Variants in MTOR observed in about 807,000 individuals in gnomAD.
MTOR encodes the protein serine/threonine-protein kinase mTOR.
Under a neutral mutation model 319.8 loss-of-function variants are expected in MTOR, and 70 were observed. The observed-to-expected ratio is 0.22, with a 90% confidence interval of 0.18 to 0.27. MTOR has a LOEUF of 0.27. MTOR is among the 10% of genes least tolerant of loss of function. The pLI, the probability that MTOR is intolerant of heterozygous loss-of-function variation, is 1.00. For missense variants in MTOR, 1,890 were observed against 3,274.4 expected, an observed-to-expected ratio of 0.58 and a Z score of 10.32; for synonymous variants, 1,183 against 1,211.4, an observed-to-expected ratio of 0.98 and a Z score of 0.49.
rs559335229 is a variant in MTOR at position 11,150,280 on chromosome 1, A to G, written c.4470-54T>C. On this transcript the variant is annotated intron_variant, in intron 30 of 57. Transcript: ENST00000361445. ...TAATCCAAATCTCCTTAAACTACCA[A>G]TCTTCCTCTCCTGCCCCTTGGGTTA... 4.1e-4 allele frequency: 613 copies of G among 1,479,748 alleles called. 10 individuals carry two copies. In the South Asian group the frequency reaches 6.0e-3, roughly 15 times the overall value. The allele number at this position is 1,479,748 out of a possible 1,614,324, so 91.7% of individuals were successfully genotyped here.
chr1:11,207,121 C>T (rs188893872), intron 25 of MTOR, among the ~76,000 whole-genome samples: 1 of 152,134 alleles, frequency 6.6e-6, no homozygotes, highest in African/African-American at 2.4e-5. Context: ...GTTGGTGAGA[C>T]AGGGTCTTGC....
At chr1:11,222,661 C>T (rs72856953) in intron 19 of MTOR, among the ~76,000 whole-genome samples, 8,995 of 152,046 alleles carry the variant, frequency 0.059, 375 homozygotes, top group South Asian at 0.12. Context: ...AACTTTCTAG[C>T]TAATAAATCC....
chr1:11,248,185 A>G (rs949270059), intron 6 of MTOR, 91 bp from the exon 7 acceptor site: 23 of 1,362,386 alleles, frequency 1.7e-5, no homozygotes, highest in Non-Finnish European at 2.2e-5. Context: ...ACATTTGCCT[A>G]ATCCCGAAAC....
chr1:11,256,028 A>T lies in MTOR; in HGVS notation c.669T>A (p.Arg223=). Residue 223 remains arginine (R), a synonymous_variant, in exon 5 of 58, where the codon CGT becomes CGA. Transcript: ENST00000361445. ...LRACLILTTQ[R]EPKEMQKPQW... is the part of the protein sequence containing the mutation. ...GAGGCTTCTGCATCTCCTTCGGCTC[A>T]CGCTGGGTTGTGAGAATCAGACAGG... 1.2e-6 allele frequency: 2 copies of T among 1,614,088 alleles called. No individual in the cohort carries two copies. Among genetic ancestry groups the T allele is most frequent in the Non-Finnish European group, 1.7e-6 (2 of 1,180,024 alleles).
chr1:11,243,658 C>T (rs181771852), intron 8 of MTOR, among the ~76,000 whole-genome samples: 202 of 149,666 alleles, frequency 1.3e-3, no homozygotes, highest in African/African-American at 4.9e-3. Flanking sequence ...CAGCACTGCA[C>T]TCAAGCCTGA....
At chr1:11,236,499 G>C (rs1048398722) in intron 13 of MTOR, among the ~76,000 whole-genome samples, 1 of 146,038 alleles carries the variant, frequency 6.8e-6, no homozygotes, top group Admixed American at 6.9e-5. Flanking sequence ...AGGCTCAACA[G>C]TGATTTCACG....
At chr1:11,232,277 C>T (rs907473703) in intron 16 of MTOR, among the ~76,000 whole-genome samples, 159 bp downstream of exon 16, 1 of 152,202 alleles carries the variant, frequency 6.6e-6, no homozygotes, top group African/African-American at 2.4e-5. Context: ...GGTTTCAAAT[C>T]TTTCTAACTT....
At chr1:11,220,419 T>C (rs914958369) in intron 19 of MTOR, among the ~76,000 whole-genome samples, 4 of 152,140 alleles carry the variant, frequency 2.6e-5, no homozygotes, top group African/African-American at 9.7e-5. Flanking sequence ...AATGAAGATT[T>C]AAAAAGAGGG....
Position 11,139,937 on chromosome 1 carries a change from G to A in MTOR, c.4873-279C>T, listed in dbSNP as rs368662541. On this transcript the variant is annotated intron_variant, in intron 34 of 57. Transcript: ENST00000361445. ...GAATTCCTGACCTCGTGATCCAACC[G>A]TCTTGGCCTCCCAAAGTGCTGGGAT... 4.8e-4 allele frequency among the ~76,000 whole-genome samples: 73 copies of A among 152,216 alleles called. No homozygotes were observed. In the Middle Eastern group the frequency reaches 0.01, roughly 21 times the overall value.
intron 29 of MTOR, among the ~76,000 whole-genome samples, chr1:11,162,853 A>G (rs1261014172): frequency 6.6e-6 from 1 of 152,230 alleles, no homozygotes; most frequent in African/African-American, 2.4e-5. Context: ...AAGACCATCA[A>G]TGCTAGGAAG....
intron 28 of MTOR, among the ~76,000 whole-genome samples, chr1:11,182,927 T>G (rs538885177): frequency 4.6e-5 from 7 of 152,220 alleles, no homozygotes; most frequent in African/African-American, 1.7e-4. Context: ...ACGCGGACAC[T>G]CTTGTCCATG....
chr1:11,126,746 C>A lies in MTOR; in HGVS notation c.6402G>T (p.Arg2134=), dbSNP rs2100397396. 1.2e-6 allele frequency: 2 copies of A among 1,614,014 alleles called. No individual in the cohort carries two copies. Among genetic ancestry groups the A allele is most frequent in the Non-Finnish European group, 1.7e-6 (2 of 1,180,010 alleles). The change falls in exon 46 of 58, where the codon CGG becomes CGT. Residue 2134 remains arginine (R), a synonymous_variant. Transcript: ENST00000361445. The part of the protein sequence containing the change: ...QYVSPKLLMC[R]DLELAVPGTY... ...TTCCTGGCACAGCCAATTCAAGGTC[C>A]CGGCACATCAGAAGTTTTGGGGAAA...
rs780841839 is a variant in MTOR at position 11,228,878 on chromosome 1, G to C, written c.2820C>G (p.Asn940Lys). 1 of 1,614,170 alleles carries C rather than the reference G, an allele frequency of 6.2e-7. No individual in the cohort carries two copies. Among genetic ancestry groups the C allele is most frequent in the East Asian group, 2.2e-5 (1 of 44,884 alleles). Residue 940 changes from asparagine (N) to lysine (K), a missense_variant, in exon 19 of 58, where the codon AAC (asparagine) becomes AAG (lysine). This residue lies in a region of MTOR where 377 missense variants were observed against 653.9 expected (regional missense o/e 0.58). Transcript: ENST00000361445. ...CTGGGTAGAACTCATCCAGAGGCAA[G>C]TTTCCCATGTTGACCAGCATTTCAC... ...STSEMLVNMG[N>K]LPLDEFYPAV... is the part of the protein sequence containing the mutation.
At chr1:11,238,327 G>A in intron 12 of MTOR, 75 bp downstream of exon 12, 3 of 1,447,972 alleles carry the variant, frequency 2.1e-6, no homozygotes, top group Non-Finnish European at 2.9e-6. Flanking sequence ...GAGAGGCCAT[G>A]TAATGAAACT....
rs1181493300 is a variant in MTOR, at chr1:11,127,497, G to A, written c.6216+127C>T. 7 of 1,156,992 alleles carry A rather than the reference G, an allele frequency of 6.1e-6. No homozygotes were observed. Among genetic ancestry groups the A allele is most frequent in the Non-Finnish European group, 7.2e-6 (6 of 834,064 alleles). The allele number at this position is 1,156,992 out of a possible 1,614,324, so 71.7% of individuals were successfully genotyped here. ...ATTAAAGTCAGTGGAAAGGCCAGAG[G>A]AAAAGAAATCTGACAAAGGCCTTGG... is the stretch of plus-strand genomic sequence containing the variant. On this transcript the variant is annotated intron_variant, in intron 44 of 57. Coordinates refer to ENST00000361445, the MANE Select transcript of MTOR (RefSeq NM_004958.4). The surrounding 1 kb of genome is among the most constrained non-coding windows in gnomAD (Gnocchi z 5.5).
At chr1:11,108,138 T>C in intron 57 of MTOR, 43 bp downstream of exon 57, 1 of 1,527,598 alleles carries the variant, frequency 6.5e-7, no homozygotes, top group South Asian at 1.1e-5. Flanking sequence ...GCTTGGGACC[T>C]GATTGCTTAT....
At position 11,212,469 on chromosome 1, in the gene MTOR, G is replaced by A. The variant is rs1646342863; in HGVS notation, c.3404C>T (p.Ala1135Val). The change falls in exon 23 of 58, where the codon GCG becomes GTG. Residue 1135 changes from alanine to valine, a missense_variant. Physicochemically the swap from Ala to Val is moderately conservative, Grantham distance 64 (BLOSUM62 0). Around this residue, in one of 15 missense-constraint regions of MTOR, gnomAD observed 377 missense variants for 653.9 expected, o/e 0.58. Transcript: ENST00000361445. This position sits in a 1 kb window ranked among gnomAD's most constrained non-coding sequence, Gnocchi z 4.1. ...CGTCAGGCGGTCCACAGTCTCTAGC[G>A]CTGCCCTACAACAATCACTAACATA... is the stretch of plus-strand genomic sequence containing the variant. ...PEAPLPSRKA[A>V]LETVDRLTES... 2.5e-6 allele frequency: 4 copies of A among 1,613,078 alleles called. No individual in the cohort carries two copies. Among genetic ancestry groups the A allele is most frequent in the South Asian group, 1.1e-5 (1 of 90,916 alleles).
chr1:11,244,083 AG>A (rs1018291100), intron 8 of MTOR, among the ~76,000 whole-genome samples: 2 of 152,016 alleles, frequency 1.3e-5, no homozygotes, highest in African/African-American at 4.8e-5. Context: ...ACCTGAGGTC[AG>A]GAGTTTGAAA....
chr1:11,216,312 C>G (rs756265624), intron 19 of MTOR, 78 bp from the exon 20 acceptor site: 43 of 1,006,724 alleles, frequency 4.3e-5, no homozygotes, highest in Non-Finnish European at 6.3e-5. Context: ...CTCATGTGAA[C>G]AAATAAAGGC....
Sources: gnomAD v4.1 joint callset for allele counts (sites outside exome capture counted in the v4.1 genomes callset) on GRCh38, gnomAD v4.1.1 for gene constraint, gnomAD v4.1.1 regional missense constraint, Gnocchi (gnomAD v3.1) non-coding constraint, MANE v1.5 for transcripts, NCBI Gene and HGNC (gene_info 2026-07-23, HGNC 2026-07-21) for gene names.